CCDC192: variants seen among roughly 807,000 people sequenced by gnomAD.
The protein encoded by CCDC192 is coiled-coil domain containing 192, also known as coiled-coil domain-containing protein 192.
intron 2 of CCDC192, among the ~76,000 whole-genome samples, chr5:127,720,619 A>G (rs949434661): frequency 1.3e-5 from 2 of 152,206 alleles, no homozygotes; most frequent in Non-Finnish European, 2.9e-5. Context: ...CTCCAACCCT[A>G]TATTTCTCCT....
At chr5:127,832,767 T>C (rs928520036) in intron 5 of CCDC192, among the ~76,000 whole-genome samples, 10 of 152,140 alleles carry the variant, frequency 6.6e-5, no homozygotes, top group African/African-American at 2.4e-4. Flanking sequence ...TATTTATATC[T>C]TGTTCATGTT....
intron 6 of CCDC192, among the ~76,000 whole-genome samples, chr5:127,918,910 CAT>C (rs1018569545): frequency 4.7e-5 from 7 of 149,098 alleles, no homozygotes; most frequent in African/African-American, 7.4e-5. Context: ...TTTATGTTTG[CAT>C]ATGTGTGTAT....
chr5:127,739,284 C>T (rs901597844), intron 2 of CCDC192, among the ~76,000 whole-genome samples: 5 of 152,170 alleles, frequency 3.3e-5, no homozygotes, highest in African/African-American at 7.2e-5. Flanking sequence ...GCAGTCTGCC[C>T]GTTCTCAGAT....
chr5:127,797,775 A>ATT (rs1385769234), intron 4 of CCDC192, among the ~76,000 whole-genome samples: 68 of 127,198 alleles, frequency 5.3e-4, no homozygotes, highest in East Asian at 7.0e-4. Flanking sequence ...ATATATATAT[A>ATT]TATTTATTTA....
intron 6 of CCDC192, among the ~76,000 whole-genome samples, chr5:127,877,746 T>G (rs1299743206): frequency 1.3e-5 from 2 of 152,250 alleles, no homozygotes; most frequent in South Asian, 4.1e-4. Flanking sequence ...TAATACACAA[T>G]GACCCCTATT....
At chr5:127,736,031 T>C (rs1752966578) in intron 2 of CCDC192, among the ~76,000 whole-genome samples, 1 of 89,780 alleles carries the variant, frequency 1.1e-5, no homozygotes, top group Non-Finnish European at 2.1e-5. Flanking sequence ...ATGCTTCCAG[T>C]TTTTGCCCAT....
At chr5:127,927,720 A>G (rs1753901881) in intron 6 of CCDC192, among the ~76,000 whole-genome samples, 1 of 152,142 alleles carries the variant, frequency 6.6e-6, no homozygotes, top group Non-Finnish European at 1.5e-5. Flanking sequence ...ATCTCTCTGG[A>G]TGTCTGGAAA....
chr5:127,925,860 G>A (rs1023143540), intron 6 of CCDC192, among the ~76,000 whole-genome samples: 1 of 152,128 alleles, frequency 6.6e-6, no homozygotes, highest in African/African-American at 2.4e-5. Context: ...AAGTGCTCAG[G>A]CATGTCACTA....
At chr5:127,883,957 C>T in intron 6 of CCDC192, among the ~76,000 whole-genome samples, 1 of 152,054 alleles carries the variant, frequency 6.6e-6, no homozygotes, top group East Asian at 1.9e-4. Context: ...GCCTATTGAC[C>T]CCACGTGGAC....
At chr5:127,939,242 C>G (rs544859035) in intron 6 of CCDC192, among the ~76,000 whole-genome samples, 2 of 151,124 alleles carry the variant, frequency 1.3e-5, no homozygotes, top group Non-Finnish European at 2.9e-5. Context: ...CTCAGCCTCC[C>G]GAGTAGCTGG....
At chr5:127,715,638 T>C (rs989044115) in intron 2 of CCDC192, among the ~76,000 whole-genome samples, 1 of 152,234 alleles carries the variant, frequency 6.6e-6, no homozygotes, top group African/African-American at 2.4e-5. Context: ...GGTATTTTGA[T>C]AGGGATTGCA....
At chr5:127,880,394 T>C (rs962362169) in intron 6 of CCDC192, among the ~76,000 whole-genome samples, 3 of 140,514 alleles carry the variant, frequency 2.1e-5, no homozygotes, top group East Asian at 2.1e-4. Flanking sequence ...TAGGTGGGAA[T>C]TGAACAATGA....
intron 2 of CCDC192, among the ~76,000 whole-genome samples, chr5:127,722,540 A>C (rs903293465): frequency 7.2e-5 from 11 of 152,152 alleles, no homozygotes. Flanking sequence ...TGCCCAGAAC[A>C]ATGTCCTGGA....
intron 3 of CCDC192, among the ~76,000 whole-genome samples, chr5:127,773,192 G>GT (rs1406032624): frequency 2.6e-5 from 4 of 152,084 alleles, no homozygotes; most frequent in South Asian, 2.1e-4. Flanking sequence ...ATTTTGTGAT[G>GT]TTTTTTCTGG....
chr5:127,803,753 C>T (rs1757633169), intron 5 of CCDC192, among the ~76,000 whole-genome samples: 3 of 152,050 alleles, frequency 2.0e-5, no homozygotes, highest in Admixed American at 6.6e-5. Context: ...CTGACCAGGA[C>T]CAAAAGCTCT....
At chr5:127,707,928 T>C (rs912429665) in intron 2 of CCDC192, among the ~76,000 whole-genome samples, 168 bp downstream of exon 2, 1 of 152,040 alleles carries the variant, frequency 6.6e-6, no homozygotes, top group African/African-American at 2.4e-5. Context: ...AAGTAGAAGA[T>C]TGATGTAAAG....
chr5:127,825,815 G>GAAGAAGATATTCCGT (rs951016431), intron 5 of CCDC192, among the ~76,000 whole-genome samples: 1 of 152,184 alleles, frequency 6.6e-6, no homozygotes, highest in Non-Finnish European at 1.5e-5. Flanking sequence ...AAAATTTAAG[G>GAAGAAGATATTCCGT]AAGAAGATAT....
intron 5 of CCDC192, among the ~76,000 whole-genome samples, chr5:127,802,948 A>G (rs115647289): frequency 6.6e-6 from 1 of 152,218 alleles, no homozygotes; most frequent in South Asian, 2.1e-4. Flanking sequence ...TGACTCTTTC[A>G]AATATAACAT....
At chr5:127,812,983 A>AT (rs1758165051) in intron 5 of CCDC192, among the ~76,000 whole-genome samples, 1 of 152,258 alleles carries the variant, frequency 6.6e-6, no homozygotes, top group African/African-American at 2.4e-5. Context: ...CCAACTGGGA[A>AT]TTTTTATGAT....
Sources: gnomAD v4.1 joint callset for allele counts (sites outside exome capture counted in the v4.1 genomes callset) on GRCh38, gnomAD v4.1.1 for gene constraint, MANE v1.5 for transcripts, NCBI Gene and HGNC (gene_info 2026-07-23, HGNC 2026-07-21) for gene names.